The following UVSSA variants were observed in gnomAD, a reference collection of about 807,000 sequenced individuals.
The protein encoded by UVSSA is UV stimulated scaffold protein A.
A neutral mutation model predicts 73.9 loss-of-function variants in UVSSA; 72 were observed. The ratio of observed to expected loss-of-function variants is 0.97; its 90% CI spans 0.81 to 1.19. The LOEUF is 1.19. Ranked by LOEUF, UVSSA falls within the 50% of genes most tolerant of loss-of-function variation. The probability of loss-of-function intolerance (pLI) is 0.00; values close to 1 mark genes in which losing one functional copy is unlikely to be tolerated. For missense variants in UVSSA, 1,150 were observed against 965.0 expected, an observed-to-expected ratio of 1.19 and a Z score of -2.54; for synonymous variants, 454 against 391.3, an observed-to-expected ratio of 1.16 and a Z score of -1.89.
chr4:1,355,551 T>G (rs1201333234), intron 7 of UVSSA, among the ~76,000 whole-genome samples: 5 of 152,290 alleles, frequency 3.3e-5, no homozygotes, highest in South Asian at 2.1e-4. Flanking sequence ...CCCCCGTGAC[T>G]CCTTCTAGGG....
At chr4:1,356,222 T>C (rs949611342) in intron 7 of UVSSA, among the ~76,000 whole-genome samples, 4 of 151,994 alleles carry the variant, frequency 2.6e-5, no homozygotes, top group Non-Finnish European at 5.9e-5. Flanking sequence ...AGTGACACTG[T>C]GCTCCTTGCT....
At chr4:1,355,287 T>C in intron 7 of UVSSA, 42 bp downstream of exon 7, 4 of 1,266,936 alleles carry the variant, frequency 3.2e-6, no homozygotes, top group Non-Finnish European at 4.4e-6. Flanking sequence ...CCCAGAGGCC[T>C]CAGTGGGGGA....
intron 2 of UVSSA, among the ~76,000 whole-genome samples, chr4:1,348,582 G>C (rs1035814818): frequency 3.3e-5 from 5 of 152,184 alleles, no homozygotes; most frequent in African/African-American, 1.2e-4. Flanking sequence ...GTCCACCTCT[G>C]TTCACTTCCT....
chr4:1,371,298 G>A (rs531788094), intron 8 of UVSSA, among the ~76,000 whole-genome samples: 3 of 144,258 alleles, frequency 2.1e-5, no homozygotes, highest in Non-Finnish European at 4.5e-5. Context: ...GTGTAAAATC[G>A]ATGACGTGTA....
At chr4:1,354,625 G>C in intron 5 of UVSSA, 110 bp from the exon 6 acceptor site, 1 of 895,598 alleles carries the variant, frequency 1.1e-6, no homozygotes, top group Non-Finnish European at 1.8e-6. Flanking sequence ...ATGGGCGTCT[G>C]GCAGGTTCCC....
rs563191585 is a variant in UVSSA, at chr4:1,365,822, C to A, written c.1177-498C>A. The stretch of plus-strand genomic sequence containing the variant: ...ACTCACCTAAGCCCCGGGGGCACCG[C>A]AGACGCACCTGCTCCACCTGGTGGG... On this transcript the variant is annotated intron_variant, in intron 7 of 13. Coordinates refer to ENST00000389851, the MANE Select transcript of UVSSA (RefSeq NM_020894.4). Among the ~76,000 whole-genome samples, 3 of 152,138 alleles carry A rather than the reference C, an allele frequency of 2.0e-5. No homozygotes were observed. In the South Asian group the frequency reaches 6.3e-4, roughly 32 times the overall value.
chr4:1,358,275 T>A (rs1268705104), intron 7 of UVSSA, among the ~76,000 whole-genome samples: 2 of 152,244 alleles, frequency 1.3e-5, no homozygotes, highest in African/African-American at 4.8e-5. Flanking sequence ...CCTCGTCCCC[T>A]TCGACCACAT....
At chr4:1,373,845 C>T (rs1718427688) in intron 8 of UVSSA, among the ~76,000 whole-genome samples, 1 of 152,188 alleles carries the variant, frequency 6.6e-6, no homozygotes, top group Non-Finnish European at 1.5e-5. Context: ...GGCCGGTCCC[C>T]TCAGCCACCC....
chr4:1,345,572 G>T (rs962732193), upstream of UVSSA, among the ~76,000 whole-genome samples: 3 of 148,394 alleles, frequency 2.0e-5, no homozygotes, highest in African/African-American at 7.4e-5. Context: ...TTGAACCCGG[G>T]AGGCGGAGGC....
chr4:1,371,189 G>A (rs1319314181), intron 8 of UVSSA, among the ~76,000 whole-genome samples: 1 of 152,080 alleles, frequency 6.6e-6, no homozygotes, highest in East Asian at 1.9e-4. Context: ...CAGTAAGCCT[G>A]CACAAAAGAA....
chr4:1,381,084 C>G, intron 12 of UVSSA, 96 bp downstream of exon 12: 1 of 1,157,156 alleles, frequency 8.6e-7, no homozygotes, highest in Admixed American at 2.5e-5. Flanking sequence ...AGAGCACCCG[C>G]TCTGCCAGCT....
intron 7 of UVSSA, among the ~76,000 whole-genome samples, chr4:1,362,465 C>T (rs1307829747): frequency 7.9e-5 from 12 of 152,248 alleles, no homozygotes; most frequent in Non-Finnish European, 2.9e-5. Flanking sequence ...TGCTTTATCA[C>T]AGGAAACTCG....
chr4:1,352,259 G>A lies in UVSSA; in HGVS notation c.550+424G>A, dbSNP rs148021320. Reference sequence around the variant, plus strand: ...GAGGGGCACCACGAGAGTGTGAGGAGGGGGTGCCACGGCCCTCCTGAGACA... The same window carrying A: ...GAGGGGCACCACGAGAGTGTGAGGAAGGGGTGCCACGGCCCTCCTGAGACA... On this transcript the variant is annotated intron_variant, in intron 4 of 13. Transcript: ENST00000389851. Among the ~76,000 whole-genome samples the A allele has an allele frequency of 1.1e-4, 16 of 152,332 alleles. No individual in the cohort carries two copies. The East Asian group carries it at 3.1e-3, about 29-fold the overall frequency.
intron 11 of UVSSA, 65 bp from the exon 12 acceptor site, chr4:1,380,815 G>T (rs1408574690): frequency 1.9e-6 from 3 of 1,591,762 alleles, no homozygotes; most frequent in African/African-American, 2.7e-5. Flanking sequence ...TCGTGGTGGT[G>T]GGGGGAGGTG....
At chr4:1,354,934 G>T in intron 6 of UVSSA, 87 bp downstream of exon 6, 1 of 1,538,870 alleles carries the variant, frequency 6.5e-7, no homozygotes. Flanking sequence ...GGGGACTGTG[G>T]CCCGGTGACT....
At position 1,383,940 on chromosome 4, in the gene UVSSA, A is replaced by T; in HGVS notation, c.2036A>T (p.Lys679Met). The change falls in exon 13 of 14, where the codon AAG becomes ATG. Residue 679 changes from lysine (K) to methionine (M), a missense_variant and splice_region_variant. By Grantham distance (95) the Lys-to-Met change is moderately conservative. Transcript: ENST00000389851. ...RARIGRKVFA[K>M]AAVRRVVAAM... ...CGCATTGGGAGAAAAGTCTTCGCCA[A>T]GTAAGAGTGGCTGCTGGGTCACCTC... 1 of 1,609,504 alleles carries T rather than the reference A, an allele frequency of 6.2e-7. No individual in the cohort carries two copies.
chr4:1,381,080 C>T (rs2109302132), intron 12 of UVSSA, 92 bp downstream of exon 12: 1 of 1,188,194 alleles, frequency 8.4e-7, no homozygotes, highest in South Asian at 1.4e-5. Flanking sequence ...TCACAGAGCA[C>T]CCGCTCTGCC....
chr4:1,381,026 C>T (rs774329466), intron 12 of UVSSA, 38 bp downstream of exon 12: 16 of 1,584,658 alleles, frequency 1.0e-5, no homozygotes, highest in Admixed American at 3.4e-5. Flanking sequence ...GGAGGCACAG[C>T]CTGGGACTCA....
intron 7 of UVSSA, among the ~76,000 whole-genome samples, chr4:1,358,847 C>T (rs895542227): frequency 2.6e-5 from 4 of 152,186 alleles, no homozygotes; most frequent in East Asian, 1.9e-4. Flanking sequence ...GAACAGGGCA[C>T]GCTAATTCAG....
Sources: gnomAD v4.1 joint callset for allele counts (sites outside exome capture counted in the v4.1 genomes callset) on GRCh38, gnomAD v4.1.1 for gene constraint, MANE v1.5 for transcripts, NCBI Gene and HGNC (gene_info 2026-07-23, HGNC 2026-07-21) for gene names.